The following DCHS2 variants were observed in gnomAD, a reference collection of about 807,000 sequenced individuals.
DCHS2 encodes the protein protocadherin-23.
In DCHS2, 142 loss-of-function variants were observed where a neutral mutation model predicts 182.4. The ratio of observed to expected loss-of-function variants is 0.78; its 90% CI spans 0.68 to 0.89. The LOEUF is 0.89. Among genes scored for constraint, DCHS2 ranks in the 40% least tolerant of loss-of-function variants. The pLI is 0.00. For synonymous variants in DCHS2, 1,740 were observed against 1,663.3 expected, an observed-to-expected ratio of 1.05 and a Z score of -1.12; for missense variants, 4,319 against 4,198.6, an observed-to-expected ratio of 1.03 and a Z score of -0.79.
chr4:154,382,664 C>G (rs1731223764), intron 1 of DCHS2, among the ~76,000 whole-genome samples: 1 of 152,042 alleles, frequency 6.6e-6, no homozygotes, highest in African/African-American at 2.4e-5. Flanking sequence ...AAACAAATAA[C>G]CCCATTAAAA....
At chr4:154,297,782 T>C in intron 13 of DCHS2, 69 bp downstream of exon 13, 1 of 1,532,644 alleles carries the variant, frequency 6.5e-7, no homozygotes. Context: ...ACTCTTGTAG[T>C]ATAATCCGTA....
rs1367502611 is a variant in DCHS2, at chr4:154,297,903, A to G, written c.6411T>C (p.Ile2137=). The G allele has an allele frequency of 1.9e-6, 3 of 1,613,922 alleles. No homozygotes were observed. Among genetic ancestry groups the G allele is most frequent in the Non-Finnish European group, 2.5e-6 (3 of 1,179,970 alleles). The change falls in exon 13 of 20, where the codon ATT becomes ATC. Residue 2137 remains isoleucine, a synonymous_variant. Coordinates refer to ENST00000357232, the MANE Select transcript of DCHS2 (RefSeq NM_001358235.2). ...VIHMEGEDVK[I]SFSHHLYKGL... ...CTTTATACAGGTGGTGGCTGAAGGA[A>G]ATCTTTACATCTTCTCCTTCCATGT...
At chr4:154,255,401 CA>C in intron 16 of DCHS2, 117 bp downstream of exon 16, 1 of 1,321,204 alleles carries the variant, frequency 7.6e-7, no homozygotes, top group Non-Finnish European at 9.9e-7. Context: ...CAAGTTGGAT[CA>C]AAGGGATAAC....
At chr4:154,383,795 C>T (rs964604464) in intron 1 of DCHS2, among the ~76,000 whole-genome samples, 1 of 150,556 alleles carries the variant, frequency 6.6e-6, no homozygotes, top group African/African-American at 2.4e-5. Flanking sequence ...TACTCCTAAG[C>T]AATTGTACAC....
rs1221273017 is a variant in DCHS2, at chr4:154,374,034, T to C, written c.2244+3219A>G. ...AAAAAAAAAAAAAAAAACTTGCTTA[T>C]ATAACCACCTCTATATCTACAATAC... is the stretch of plus-strand genomic sequence containing the variant. On this transcript the variant is annotated intron_variant, in intron 2 of 19. Transcript: ENST00000357232. The C allele has an allele frequency of 6.5e-6, 8 of 1,227,596 alleles. No individual in the cohort carries two copies. The African/African-American group carries it at 1.1e-4, about 17-fold the overall frequency. 76.0% of individuals were successfully genotyped at this position (1,227,596 alleles called of 1,614,324 possible).
chr4:154,364,006 T>C (rs962250357), intron 3 of DCHS2, among the ~76,000 whole-genome samples: 8 of 152,216 alleles, frequency 5.3e-5, no homozygotes, highest in Non-Finnish European at 1.0e-4. Context: ...TATGATTAAG[T>C]GCGACCAAAT....
Position 154,235,513 on chromosome 4 carries a change from T to C in DCHS2, c.9139A>G (p.Ser3047Gly), listed in dbSNP as rs1325115577. The C allele has an allele frequency of 1.2e-6, 2 of 1,614,124 alleles. No homozygotes were observed. The highest frequency in any genetic ancestry group is 1.7e-6 in the Non-Finnish European group (2 of 1,179,980). ...GTTTTCTGGAAGGCTTTGAGCACAC[T>C]GGCATCCCGGGTCACTCTCAAGTCC... ...DADLRVTRDASVLKAFQKTDD... is the reference protein window; with the variant it reads ...DADLRVTRDAGVLKAFQKTDD... Residue 3047 changes from serine to glycine, a missense_variant, in exon 20 of 20, where the codon AGT becomes GGT. By Grantham distance (56) the Ser-to-Gly change is moderately conservative. Transcript: ENST00000357232.
chr4:154,275,041 G>A (rs1000804621), intron 13 of DCHS2, among the ~76,000 whole-genome samples: 4 of 132,160 alleles, frequency 3.0e-5, no homozygotes, highest in Non-Finnish European at 6.8e-5. Context: ...AAGCCAAATT[G>A]TTATTTTTTT....
At chr4:154,485,424 A>C (rs1728551257) in intron 1 of DCHS2, among the ~76,000 whole-genome samples, 1 of 152,226 alleles carries the variant, frequency 6.6e-6, no homozygotes, top group Non-Finnish European at 1.5e-5. Flanking sequence ...AATTTAGTAC[A>C]GTGATGGGAG....
At chr4:154,308,073 C>T (rs1454409260) in intron 10 of DCHS2, among the ~76,000 whole-genome samples, 2 of 152,030 alleles carry the variant, frequency 1.3e-5, no homozygotes, top group African/African-American at 4.8e-5. Context: ...TTTATCTCCT[C>T]CTCTTTGTGG....
intron 1 of DCHS2, among the ~76,000 whole-genome samples, chr4:154,437,360 T>C (rs941926990): frequency 6.6e-6 from 1 of 152,026 alleles, no homozygotes; most frequent in Non-Finnish European, 1.5e-5. Flanking sequence ...GAAAAAAGGA[T>C]GGGAAACATA....
intron 7 of DCHS2, among the ~76,000 whole-genome samples, chr4:154,323,607 A>T (rs1736166685): frequency 6.6e-6 from 1 of 152,212 alleles, no homozygotes; most frequent in Non-Finnish European, 1.5e-5. Context: ...GAGATCCAAA[A>T]TATTCCAAAA....
intron 13 of DCHS2, among the ~76,000 whole-genome samples, chr4:154,273,453 G>A (rs942391450): frequency 6.6e-6 from 1 of 151,994 alleles, no homozygotes; most frequent in Non-Finnish European, 1.5e-5. Flanking sequence ...TGGGGACTTG[G>A]GGGAAAAGGT....
At chr4:154,359,382 G>C (rs1218296668) in intron 3 of DCHS2, among the ~76,000 whole-genome samples, 2 of 151,782 alleles carry the variant, frequency 1.3e-5, no homozygotes, top group African/African-American at 4.8e-5. Flanking sequence ...CTGACTTTCA[G>C]AATAAAATAT....
At chr4:154,298,754 C>T (rs1735077337) in intron 12 of DCHS2, 46 bp from the exon 13 acceptor site, 1 of 1,457,112 alleles carries the variant, frequency 6.9e-7, no homozygotes, top group Non-Finnish European at 9.2e-7. Context: ...GAAAAAGTAG[C>T]AGCTCTTTGC....
intron 1 of DCHS2, among the ~76,000 whole-genome samples, chr4:154,474,250 T>C (rs1735595914): frequency 6.6e-6 from 1 of 152,192 alleles, no homozygotes; most frequent in African/African-American, 2.4e-5. Context: ...GAGCGTTAAC[T>C]TACATCAACA....
intron 1 of DCHS2, among the ~76,000 whole-genome samples, chr4:154,468,617 A>G (rs1465997862): frequency 6.6e-6 from 1 of 152,186 alleles, no homozygotes; most frequent in Non-Finnish European, 1.5e-5. Context: ...AGACAAGATT[A>G]GTCCATTTCA....
intron 1 of DCHS2, among the ~76,000 whole-genome samples, chr4:154,419,201 T>C (rs1732994857): frequency 6.6e-6 from 1 of 152,244 alleles, no homozygotes; most frequent in African/African-American, 2.4e-5. Context: ...TCTTGGGTAA[T>C]TCAAAGTATA....
At chr4:154,410,710 G>A (rs1732596799) in intron 1 of DCHS2, among the ~76,000 whole-genome samples, 1 of 151,508 alleles carries the variant, frequency 6.6e-6, no homozygotes, top group Non-Finnish European at 1.5e-5. Context: ...CTTATTTAAT[G>A]AAATAATTCC....
Sources: allele counts gnomAD v4.1 joint callset (sites outside exome capture counted in the v4.1 genomes callset), GRCh38; gene constraint gnomAD v4.1.1; transcripts MANE v1.5; gene names NCBI Gene and HGNC (gene_info 2026-07-23, HGNC 2026-07-21).